Variants in LMO1 observed in about 807,000 individuals in gnomAD.
The protein encoded by LMO1 is LIM domain only 1, also known as rhombotin-1.
Under a neutral mutation model 18.0 loss-of-function variants are expected in LMO1, and 10 were observed. The ratio of observed to expected loss-of-function variants is 0.55; its 90% CI spans 0.34 to 0.94. LMO1 has a LOEUF of 0.94. LMO1 is among the 40% of genes least tolerant of loss of function. The pLI is 0.02. For synonymous variants in LMO1, 77 were observed against 77.9 expected (o/e 0.99, Z 0.06); for missense variants, 183 against 205.7 (o/e 0.89, Z 0.68).
chr11:8,252,464 C>A (rs1847018117), intron 1 of LMO1, among the ~76,000 whole-genome samples: 2 of 152,238 alleles, frequency 1.3e-5, no homozygotes, highest in Non-Finnish European at 2.9e-5. Flanking sequence ...CACTCACACC[C>A]TTGTATCATC....
In LMO1 at chr11:8,263,596, A is replaced by G; in HGVS notation, c.-234T>C. ...TGCCTCAGAATTGGAAGGAACTACGAACTGCAATTTAGAGAGAGAGGGAGA... is the reference window on the plus strand; with the variant it reads ...TGCCTCAGAATTGGAAGGAACTACGGACTGCAATTTAGAGAGAGAGGGAGA... On this transcript the variant is annotated 5_prime_UTR_variant, in exon 1 of 4. Coordinates refer to ENST00000335790, the MANE Select transcript of LMO1 (RefSeq NM_002315.3). 1 of 1,370,752 alleles carries G rather than the reference A, an allele frequency of 7.3e-7. No homozygotes were observed. Among genetic ancestry groups the G allele is most frequent in the Non-Finnish European group, 9.4e-7 (1 of 1,066,358 alleles). The allele number at this position is 1,370,752 out of a possible 1,614,324, so 84.9% of individuals were successfully genotyped here. A position where few individuals can be genotyped will look rare whatever the true frequency, so the allele number is the denominator to read the frequency against.
intron 1 of LMO1, among the ~76,000 whole-genome samples, chr11:8,233,597 G>A (rs1016606864): frequency 6.6e-5 from 10 of 152,078 alleles, no homozygotes; most frequent in Non-Finnish European, 1.0e-4. Context: ...AAAGGTGGAG[G>A]GGCTTTCAGG....
At chr11:8,243,130 G>A (rs957569192) in intron 1 of LMO1, among the ~76,000 whole-genome samples, 1 of 152,122 alleles carries the variant, frequency 6.6e-6, no homozygotes. Flanking sequence ...CTTTGGCTGG[G>A]GCTGAGACAG....
intron 1 of LMO1, among the ~76,000 whole-genome samples, chr11:8,243,607 GCA>G (rs759007917): frequency 5.9e-5 from 9 of 152,372 alleles, no homozygotes; most frequent in Admixed American, 1.3e-4. Context: ...ATTATCCAGA[GCA>G]CAGAGTCTGC....
At position 8,261,945 on chromosome 11, in the gene LMO1, G is replaced by T. The variant is rs148135709; in HGVS notation, c.25+1393C>A. Among the ~76,000 whole-genome samples the T allele has an allele frequency of 1.9e-3, 296 of 152,216 alleles. 10 individuals carry two copies. In the East Asian group the frequency reaches 0.045, roughly 23 times the overall value. On this transcript the variant is annotated intron_variant, in intron 1 of 3. Coordinates refer to ENST00000335790, the MANE Select transcript of LMO1 (RefSeq NM_002315.3). ...CTCTCTCTTCCTACACACATACTGA[G>T]AGCCACAGGTCCTCCTAGATGCCAC...
intron 1 of LMO1, among the ~76,000 whole-genome samples, chr11:8,255,956 G>C (rs1384342719): frequency 6.6e-6 from 1 of 151,234 alleles, no homozygotes; most frequent in Non-Finnish European, 1.5e-5. Context: ...CTCCTGAGTA[G>C]CTGGGACTAC....
At chr11:8,228,249 G>A (rs986310334) in intron 2 of LMO1, among the ~76,000 whole-genome samples, 12 of 152,228 alleles carry the variant, frequency 7.9e-5, no homozygotes, top group Admixed American at 3.3e-4. Context: ...GCCAGCCCTT[G>A]GCTGGATGTC....
chr11:8,255,640 T>A (rs1215686506), intron 1 of LMO1, among the ~76,000 whole-genome samples: 1 of 152,088 alleles, frequency 6.6e-6, no homozygotes, highest in Non-Finnish European at 1.5e-5. Flanking sequence ...TCCTCCATCC[T>A]CCAGATGTGA....
chr11:8,245,832 T>C (rs1846884408), intron 1 of LMO1, among the ~76,000 whole-genome samples: 4 of 152,248 alleles, frequency 2.6e-5, no homozygotes, highest in African/African-American at 9.6e-5. Flanking sequence ...GAGGTTTAAC[T>C]GGCTCACAGT....
intron 1 of LMO1, among the ~76,000 whole-genome samples, chr11:8,234,115 G>C (rs762306997): frequency 4.5e-4 from 69 of 152,278 alleles, no homozygotes; most frequent in Non-Finnish European, 7.8e-4. Context: ...TCAGGATGTG[G>C]GGGGAACAAC....
chr11:8,240,814 A>G (rs1270465853), intron 1 of LMO1, among the ~76,000 whole-genome samples: 5 of 152,196 alleles, frequency 3.3e-5, no homozygotes, highest in Non-Finnish European at 7.3e-5. Context: ...CACTCAGATC[A>G]TAGAGAGCTT....
intron 1 of LMO1, among the ~76,000 whole-genome samples, chr11:8,259,131 C>CT (rs1847144929): frequency 1.4e-5 from 2 of 142,206 alleles, no homozygotes; most frequent in Non-Finnish European, 3.2e-5. Context: ...TAGCAAGACA[C>CT]CGCCATCCAA....
At chr11:8,255,552 T>A (rs1847077147) in intron 1 of LMO1, among the ~76,000 whole-genome samples, 1 of 152,098 alleles carries the variant, frequency 6.6e-6, no homozygotes, top group Non-Finnish European at 1.5e-5. Flanking sequence ...GTCTCTGCCA[T>A]AAGAACAAGT....
chr11:8,247,627 G>A (rs1846917969), intron 1 of LMO1, among the ~76,000 whole-genome samples: 1 of 152,244 alleles, frequency 6.6e-6, no homozygotes, highest in Admixed American at 6.5e-5. Flanking sequence ...TCCCACAATG[G>A]AGAGAGCCCT....
Position 8,238,627 on chromosome 11 carries a change from C to T in LMO1, c.26-8123G>A, listed in dbSNP as rs185507772. Among the ~76,000 whole-genome samples, 512 of 145,426 alleles carry T rather than the reference C, an allele frequency of 3.5e-3. 3 individuals carry two copies. Among genetic ancestry groups the T allele is most frequent in the African/African-American group, 0.013 (491 of 39,166 alleles). The stretch of plus-strand genomic sequence containing the variant: ...CAGAGGTTGCAGTGAGCCAAGATCG[C>T]GCCACTGCACTCCAGCCTGGGCGAC... On this transcript the variant is annotated intron_variant, in intron 1 of 3. Transcript: ENST00000335790.
upstream of LMO1, among the ~76,000 whole-genome samples, chr11:8,266,368 A>G (rs973230052): frequency 7.1e-5 from 5 of 70,028 alleles, no homozygotes; most frequent in South Asian, 4.4e-4. Context: ...TACTCGCCCC[A>G]CCCCCATGCT....
chr11:8,263,456 G>GC lies in LMO1; in HGVS notation c.-95dup. On this transcript the variant is annotated 5_prime_UTR_variant, in exon 1 of 4. Coordinates refer to ENST00000335790, the MANE Select transcript of LMO1 (RefSeq NM_002315.3). Reference sequence around the variant, plus strand: ...TGGAGGGGCGGCCGGTCTTCGGGCAGCTAGCGGGCTCTAATTACCCGCTTG... The same window carrying GC: ...TGGAGGGGCGGCCGGTCTTCGGGCAGCCTAGCGGGCTCTAATTACCCGCTTG... 1 of 1,555,454 alleles carries GC rather than the reference G, an allele frequency of 6.4e-7. No individual in the cohort carries two copies. Among genetic ancestry groups the GC allele is most frequent in the East Asian group, 2.4e-5 (1 of 41,116 alleles).
chr11:8,250,034 A>C (rs1253465401), intron 1 of LMO1, among the ~76,000 whole-genome samples: 1 of 121,574 alleles, frequency 8.2e-6, no homozygotes, highest in Non-Finnish European at 1.8e-5. Flanking sequence ...CCATTTCTTC[A>C]CCTTTCCCCA....
Position 8,227,091 on chromosome 11 carries a change from G to A in LMO1, c.249C>T (p.Gly83=). The change falls in exon 3 of 4, where the codon GGC becomes GGT. Residue 83 remains glycine, a synonymous_variant. Transcript: ENST00000335790. The stretch of plus-strand genomic sequence containing the variant: ...TGCAAGCAGCACAGTTCCCTGTGGT[G>A]CCAAAGAGCCTGCCGAGGGAAGGGC... The part of the protein sequence containing the change: ...LCRRDYLRLF[G]TTGNCAACSK... 1 of 1,613,126 alleles carries A rather than the reference G, an allele frequency of 6.2e-7. No homozygotes were observed. Among genetic ancestry groups the A allele is most frequent in the African/African-American group, 1.3e-5 (1 of 75,056 alleles).
Sources: allele counts gnomAD v4.1 joint callset (sites outside exome capture counted in the v4.1 genomes callset), GRCh38; gene constraint gnomAD v4.1.1; transcripts MANE v1.5; gene names NCBI Gene and HGNC (gene_info 2026-07-23, HGNC 2026-07-21).